CSMD1: variants seen among roughly 807,000 people sequenced by gnomAD.
CSMD1 encodes CUB and sushi domain-containing protein 1.
A neutral mutation model predicts 417.5 loss-of-function variants in CSMD1; 213 were observed. The ratio of observed to expected loss-of-function variants is 0.51; its 90% CI spans 0.46 to 0.57. The LOEUF is 0.57. CSMD1 is among the 20% of genes least tolerant of loss of function. The pLI, the probability that CSMD1 is intolerant of heterozygous loss-of-function variation, is 0.00. For missense variants in CSMD1, 6,923 were observed against 4,529.7 expected (o/e 1.53, Z -15.17); for synonymous variants, 2,862 against 1,736.8 (o/e 1.65, Z -16.11).
chr8:3,170,767 T>C (rs781012553), intron 37 of CSMD1, among the ~76,000 whole-genome samples: 3 of 152,246 alleles, frequency 2.0e-5, no homozygotes, highest in Non-Finnish European at 4.4e-5. Context: ...TGTAAGTTTG[T>C]ATTTAAAATG....
intron 54 of CSMD1, 59 bp downstream of exon 54, chr8:2,997,952 T>C: frequency 6.6e-7 from 1 of 1,514,458 alleles, no homozygotes; most frequent in Non-Finnish European, 9.0e-7. Context: ...TTGATGGTGT[T>C]ACTGGGCAGC....
intron 5 of CSMD1, among the ~76,000 whole-genome samples, chr8:3,760,948 A>T (rs1797961180): frequency 6.7e-6 from 1 of 149,510 alleles, no homozygotes; most frequent in Non-Finnish European, 1.5e-5. Context: ...GCCATATAAA[A>T]GATGTGCTTT....
chr8:4,386,648 C>G (rs892107446), intron 3 of CSMD1, among the ~76,000 whole-genome samples: 1 of 152,202 alleles, frequency 6.6e-6, no homozygotes, highest in African/African-American at 2.4e-5. Context: ...GGAGTTATCT[C>G]AGCCTTTCAG....
chr8:4,052,092 C>T (rs1798462297), intron 3 of CSMD1, among the ~76,000 whole-genome samples: 1 of 151,922 alleles, frequency 6.6e-6, no homozygotes, highest in Non-Finnish European at 1.5e-5. Flanking sequence ...CAGCTAATTT[C>T]TGTATTTTTA....
intron 3 of CSMD1, among the ~76,000 whole-genome samples, chr8:4,276,327 A>T (rs1460996704): frequency 6.6e-6 from 1 of 152,216 alleles, no homozygotes; most frequent in Non-Finnish European, 1.5e-5. Flanking sequence ...CTTTGCAGGG[A>T]CATGGATGAA....
At chr8:3,205,050 C>T (rs545164906) in intron 31 of CSMD1, among the ~76,000 whole-genome samples, 20 of 152,158 alleles carry the variant, frequency 1.3e-4, no homozygotes, top group South Asian at 2.1e-4. Flanking sequence ...CCTGCTTCTC[C>T]GTCCCTCAGC....
chr8:3,714,561 C>CAAAGAAAAAAAAA (rs1801718147), intron 6 of CSMD1, among the ~76,000 whole-genome samples: 1 of 70,554 alleles, frequency 1.4e-5, no homozygotes, highest in Non-Finnish European at 2.5e-5. Flanking sequence ...ATCTCTATCC[C>CAAAGAAAAAAAAA]AAAAAAAAAA....
chr8:3,070,919 T>C (rs1162602253), intron 49 of CSMD1, among the ~76,000 whole-genome samples: 1 of 152,214 alleles, frequency 6.6e-6, no homozygotes. Flanking sequence ...AGAGGTTTGA[T>C]TGGCTCATGG....
chr8:3,258,005 A>G (rs1160895406), intron 26 of CSMD1, among the ~76,000 whole-genome samples: 1 of 152,180 alleles, frequency 6.6e-6, no homozygotes, highest in Non-Finnish European at 1.5e-5. Context: ...GGGGCACGGC[A>G]GGAGATTGGA....
At chr8:4,773,660 T>C (rs775602935) in intron 1 of CSMD1, among the ~76,000 whole-genome samples, 28 of 152,204 alleles carry the variant, frequency 1.8e-4, no homozygotes, top group Non-Finnish European at 3.7e-4. Context: ...TGCAATGTGT[T>C]TGTGCAGCCT....
At chr8:3,988,474 C>G (rs948958838) in intron 5 of CSMD1, among the ~76,000 whole-genome samples, 1 of 152,200 alleles carries the variant, frequency 6.6e-6, no homozygotes, top group South Asian at 2.1e-4. Context: ...ACAGCTCAGG[C>G]TCTGGAGCAC....
At position 4,071,831 on chromosome 8, in the gene CSMD1, G is replaced by C. The variant is rs958818405; in HGVS notation, c.416-39732C>G. Among the ~76,000 whole-genome samples the C allele has an allele frequency of 1.9e-4, 29 of 152,206 alleles. No individual in the cohort carries two copies. The East Asian group carries it at 4.1e-3, about 21-fold the overall frequency. Reference sequence around the variant, plus strand: ...CAAATGAAAACTTCCTGTTGTGGGGGGGTGGTGTGCACATCCACTCTCATG... The same window carrying C: ...CAAATGAAAACTTCCTGTTGTGGGGCGGTGGTGTGCACATCCACTCTCATG... On this transcript the variant is annotated intron_variant, in intron 3 of 69. Transcript: ENST00000635120.
At chr8:3,626,741 C>T (rs557943689) in intron 7 of CSMD1, among the ~76,000 whole-genome samples, 8 of 150,586 alleles carry the variant, frequency 5.3e-5, no homozygotes, top group African/African-American at 1.7e-4. Flanking sequence ...TATTTTATTA[C>T]TTTTATATAT....
chr8:4,884,211 G>C (rs147142008), intron 1 of CSMD1, among the ~76,000 whole-genome samples: 6 of 151,844 alleles, frequency 4.0e-5, no homozygotes, highest in Non-Finnish European at 7.4e-5. Context: ...CTTCGTGTGT[G>C]TGTGTGTGTG....
intron 1 of CSMD1, among the ~76,000 whole-genome samples, chr8:4,684,699 C>G (rs933204509): frequency 6.6e-6 from 1 of 152,222 alleles, no homozygotes; most frequent in African/African-American, 2.4e-5. Flanking sequence ...CATACGCTTT[C>G]CCTGTCTCAG....
intron 41 of CSMD1, among the ~76,000 whole-genome samples, chr8:3,138,605 A>G (rs148316462): frequency 0.016 from 2,373 of 152,322 alleles, 23 homozygotes; most frequent in Non-Finnish European, 0.025. Context: ...TGCCTCCTGC[A>G]GGGTATTACA....
intron 3 of CSMD1, among the ~76,000 whole-genome samples, chr8:4,209,422 G>A (rs930197640): frequency 6.6e-6 from 1 of 152,086 alleles, no homozygotes; most frequent in Non-Finnish European, 1.5e-5. Context: ...AATTGTATGA[G>A]GTGTGAACTC....
chr8:4,308,321 G>T (rs11136726), intron 3 of CSMD1, among the ~76,000 whole-genome samples: 1 of 152,072 alleles, frequency 6.6e-6, no homozygotes, highest in African/African-American at 2.4e-5. Context: ...GTGGGGTGGT[G>T]TATCTGGTGT....
At chr8:3,031,930 G>A (rs545669821) in intron 50 of CSMD1, among the ~76,000 whole-genome samples, 4 of 147,832 alleles carry the variant, frequency 2.7e-5, no homozygotes, top group Non-Finnish European at 5.9e-5. Context: ...CATTTTTTTA[G>A]TATAGTGACT....
Sources: gnomAD v4.1 joint callset for allele counts (sites outside exome capture counted in the v4.1 genomes callset) on GRCh38, gnomAD v4.1.1 for gene constraint, MANE v1.5 for transcripts, NCBI Gene and HGNC (gene_info 2026-07-23, HGNC 2026-07-21) for gene names.